Variants in KALRN observed in about 807,000 individuals in gnomAD.
KALRN encodes the protein kalirin RhoGEF kinase.
Under a neutral mutation model 353.7 loss-of-function variants are expected in KALRN, and 70 were observed. That is an observed-to-expected ratio of 0.20 (90% CI 0.16 to 0.24). The LOEUF (loss-of-function observed/expected upper bound fraction) is 0.24. KALRN is among the 10% of genes least tolerant of loss of function. The probability of loss-of-function intolerance (pLI) is 1.00; values close to 1 mark genes in which losing one functional copy is unlikely to be tolerated. For synonymous variants in KALRN, 1,391 were observed against 1,434.8 expected, an observed-to-expected ratio of 0.97 and a Z score of 0.69; for missense variants, 2,791 against 3,756.7, an observed-to-expected ratio of 0.74 and a Z score of 6.72.
At chr3:124,442,257 A>C (rs1158256534) in intron 19 of KALRN, among the ~76,000 whole-genome samples, 198 bp downstream of exon 19, 1 of 152,208 alleles carries the variant, frequency 6.6e-6, no homozygotes, top group Non-Finnish European at 1.5e-5. Context: ...GAAGGCAAAA[A>C]CAAGGATAAA....
intron 6 of KALRN, among the ~76,000 whole-genome samples, chr3:124,316,052 A>G (rs1435051464): frequency 6.6e-6 from 1 of 152,146 alleles, no homozygotes; most frequent in Non-Finnish European, 1.5e-5. Flanking sequence ...GCGGATGAGA[A>G]GGGAGCAGCA....
chr3:124,640,894 C>T (rs6803877), intron 37 of KALRN, among the ~76,000 whole-genome samples: 3,223 of 152,272 alleles, frequency 0.021, 133 homozygotes, highest in African/African-American at 0.072. Flanking sequence ...GTTCTTTCCA[C>T]TTTACAGAGT....
At chr3:124,430,632 T>C (rs765438044) in intron 15 of KALRN, 24 bp from the exon 16 acceptor site, 1 of 1,613,342 alleles carries the variant, frequency 6.2e-7, no homozygotes, top group South Asian at 1.1e-5. Flanking sequence ...GCCATTCACC[T>C]GTGTGCTTGT....
chr3:124,702,793 CT>C (rs1182220119), intron 57 of KALRN, among the ~76,000 whole-genome samples: 1 of 152,160 alleles, frequency 6.6e-6, no homozygotes, highest in East Asian at 1.9e-4. Flanking sequence ...CACTCCATAC[CT>C]TTCTCTTTCT....
chr3:124,574,870 AG>A (rs1267904814), intron 34 of KALRN, among the ~76,000 whole-genome samples: 1 of 152,206 alleles, frequency 6.6e-6, no homozygotes, highest in Non-Finnish European at 1.5e-5. Context: ...CTTGAGGAGC[AG>A]CCCTTGCAGG....
intron 11 of KALRN, among the ~76,000 whole-genome samples, chr3:124,385,650 G>A (rs976327985): frequency 5.3e-5 from 8 of 152,176 alleles, no homozygotes; most frequent in African/African-American, 1.9e-4. Flanking sequence ...AGCTGGCTGG[G>A]CTTGAAGCCC....
intron 5 of KALRN, among the ~76,000 whole-genome samples, chr3:124,288,727 A>C (rs1425226964): frequency 1.3e-5 from 2 of 152,164 alleles, no homozygotes; most frequent in Non-Finnish European, 2.9e-5. Flanking sequence ...AAGGGGGCCA[A>C]ATAGGCAAGT....
intron 1 of KALRN, among the ~76,000 whole-genome samples, chr3:124,067,393 G>A (rs1167827364): frequency 2.7e-5 from 4 of 149,800 alleles, no homozygotes; most frequent in Non-Finnish European, 4.4e-5. Flanking sequence ...CACATAGTTG[G>A]TACCCAAACC....
intron 25 of KALRN, among the ~76,000 whole-genome samples, chr3:124,469,472 C>T (rs565942138): frequency 9.2e-5 from 14 of 152,198 alleles, no homozygotes; most frequent in South Asian, 4.1e-4. Context: ...GTATGCTAAC[C>T]GGCTATCTTA....
At chr3:124,459,287 T>C (rs756112020) in intron 23 of KALRN, among the ~76,000 whole-genome samples, 1 of 152,154 alleles carries the variant, frequency 6.6e-6, no homozygotes, top group Admixed American at 6.5e-5. Flanking sequence ...CATGAGGAGA[T>C]GAGGCAGAGG....
At chr3:124,575,212 T>C (rs2073973797) in intron 34 of KALRN, among the ~76,000 whole-genome samples, 1 of 152,228 alleles carries the variant, frequency 6.6e-6, no homozygotes, top group African/African-American at 2.4e-5. Flanking sequence ...GAATCTTGAT[T>C]CTCAGATTGT....
chr3:124,153,210 G>A (rs903381095), intron 1 of KALRN: 9 of 150,180 alleles, frequency 6.0e-5, no homozygotes, highest in African/African-American at 2.2e-4. Context: ...CTGGTGTGCT[G>A]CACCCATTAA....
intron 1 of KALRN, among the ~76,000 whole-genome samples, chr3:124,227,663 G>GTTTTTTTTTTTTTTTTT (rs747087120): frequency 2.9e-5 from 2 of 69,262 alleles, no homozygotes; most frequent in African/African-American, 5.1e-5. Flanking sequence ...CAACAGGGCT[G>GTTTTTTTTTTTTTTTTT]TTTTTTTTTT....
At chr3:124,182,570 G>T (rs2073745233) in intron 1 of KALRN, among the ~76,000 whole-genome samples, 1 of 152,190 alleles carries the variant, frequency 6.6e-6, no homozygotes, top group Non-Finnish European at 1.5e-5. Flanking sequence ...CCACAGAAGT[G>T]ATCTCCCATC....
At chr3:124,040,005 T>A (rs1216433082) in intron 1 of KALRN, among the ~76,000 whole-genome samples, 1 of 152,196 alleles carries the variant, frequency 6.6e-6, no homozygotes, top group Non-Finnish European at 1.5e-5. Flanking sequence ...ATTTCTACTA[T>A]TAATATATTT....
chr3:124,255,451 G>A (rs2071810949), intron 3 of KALRN, among the ~76,000 whole-genome samples: 1 of 152,090 alleles, frequency 6.6e-6, no homozygotes, highest in Non-Finnish European at 1.5e-5. Flanking sequence ...CTGGTGCCTG[G>A]TACTGGGCCA....
chr3:124,046,549 C>A (rs2040490809), intron 1 of KALRN, among the ~76,000 whole-genome samples: 1 of 152,180 alleles, frequency 6.6e-6, no homozygotes, highest in Non-Finnish European at 1.5e-5. Flanking sequence ...AAAGAATGAT[C>A]TGTTCAGTTG....
intron 9 of KALRN, among the ~76,000 whole-genome samples, chr3:124,344,104 G>A (rs1382116722): frequency 6.6e-6 from 1 of 152,200 alleles, no homozygotes; most frequent in African/African-American, 2.4e-5. Flanking sequence ...TTTTAAATAT[G>A]CCTTGTAGAT....
intron 47 of KALRN, among the ~76,000 whole-genome samples, chr3:124,667,667 C>G (rs2085819096): frequency 6.6e-6 from 1 of 152,170 alleles, no homozygotes; most frequent in African/African-American, 2.4e-5. Context: ...AACCTTACCC[C>G]TTTTAAATGA....
Sources: gnomAD v4.1 joint callset for allele counts (sites outside exome capture counted in the v4.1 genomes callset) on GRCh38, gnomAD v4.1.1 for gene constraint, MANE v1.5 for transcripts, NCBI Gene and HGNC (gene_info 2026-07-23, HGNC 2026-07-21) for gene names.